GANC: variants seen among roughly 807,000 people sequenced by gnomAD.
GANC encodes glucosidase alpha, neutral C, also known as neutral alpha-glucosidase C.
In GANC, 117 loss-of-function variants were observed where a neutral mutation model predicts 124.2. That is an observed-to-expected ratio of 0.94 (90% CI 0.81 to 1.10). GANC has a LOEUF of 1.10. Ranked by LOEUF, GANC falls within the 50% of genes least tolerant of loss-of-function variation. The pLI, the probability that GANC is intolerant of heterozygous loss-of-function variation, is 0.00. For synonymous variants in GANC, 377 were observed against 376.8 expected (o/e 1.00, Z -0.01); for missense variants, 1,140 against 1,095.0 (o/e 1.04, Z -0.58).
At chr15:42,344,301 G>A (rs962686546) in intron 19 of GANC, among the ~76,000 whole-genome samples, 1 of 152,178 alleles carries the variant, frequency 6.6e-6, no homozygotes, top group African/African-American at 2.4e-5. Context: ...ATCTGTTCAT[G>A]CCTCCCTCTT....
chr15:42,311,298 A>G (rs954334187), intron 10 of GANC, among the ~76,000 whole-genome samples: 1 of 152,254 alleles, frequency 6.6e-6, no homozygotes, highest in African/African-American at 2.4e-5. Context: ...ATTTCTAGCC[A>G]GAGAAATTAG....
Position 42,309,561 on chromosome 15 carries a change from A to G in GANC, c.723-722A>G, listed in dbSNP as rs1595773011. On this transcript the variant is annotated intron_variant, in intron 8 of 23. Coordinates refer to ENST00000318010, the MANE Select transcript of GANC (RefSeq NM_198141.3). Reference sequence around the variant, plus strand: ...TCTCGATCTCTTGACCTCATGATCCACCTGCTTCGGCCTCCCAAAATGCTG... The same window carrying G: ...TCTCGATCTCTTGACCTCATGATCCGCCTGCTTCGGCCTCCCAAAATGCTG... 2.0e-5 allele frequency among the ~76,000 whole-genome samples: 3 copies of G among 151,746 alleles called. 1 individual carries two copies. Among genetic ancestry groups the G allele is most frequent in the Admixed American group, 2.0e-4 (3 of 15,260 alleles).
At chr15:42,281,032 C>T in intron 3 of GANC, 2 of 702,550 alleles carry the variant, frequency 2.8e-6, no homozygotes, top group Non-Finnish European at 5.2e-6. Flanking sequence ...CAAAAGGAAG[C>T]TGAGGAGCCT....
intron 23 of GANC, 94 bp downstream of exon 23, chr15:42,351,526 T>G: frequency 1.2e-6 from 1 of 845,032 alleles, no homozygotes; most frequent in Non-Finnish European, 1.9e-6. Flanking sequence ...GATAATATGC[T>G]GAGCCTGAGT....
Position 42,338,574 on chromosome 15 carries a change from C to A in GANC, c.1843+84C>A. On this transcript the variant is annotated intron_variant, in intron 16 of 23. Transcript: ENST00000318010. Reference sequence around the variant, plus strand: ...TCAAAGCTGGTTACAAATCCCTTCTCATTAGCTGTTGTGGGCAGACATAAA... The same window carrying A: ...TCAAAGCTGGTTACAAATCCCTTCTAATTAGCTGTTGTGGGCAGACATAAA... 3.1e-6 allele frequency: 3 copies of A among 952,836 alleles called. No homozygotes were observed. In the South Asian group the frequency reaches 4.0e-5, roughly 13 times the overall value. 59.0% of individuals were successfully genotyped at this position (952,836 alleles called of 1,614,324 possible).
intron 10 of GANC, among the ~76,000 whole-genome samples, chr15:42,319,090 A>G (rs2052133623): frequency 6.6e-6 from 1 of 151,382 alleles, no homozygotes. Flanking sequence ...AATTTTCTCA[A>G]TTTTATCTTC....
chr15:42,308,687 A>G (rs1156579717), intron 8 of GANC, among the ~76,000 whole-genome samples: 2 of 152,104 alleles, frequency 1.3e-5, no homozygotes, highest in African/African-American at 4.8e-5. Flanking sequence ...GGGTTTTACC[A>G]TGTTGGCCAG....
chr15:42,310,211 G>C (rs1338912022), intron 8 of GANC, 72 bp from the exon 9 acceptor site: 2 of 1,169,834 alleles, frequency 1.7e-6, no homozygotes, highest in Non-Finnish European at 2.4e-6. Context: ...AGAGAGAAGA[G>C]TAGAGCTGTT....
At chr15:42,307,949 T>C (rs2052014171) in intron 7 of GANC, among the ~76,000 whole-genome samples, 1 of 152,110 alleles carries the variant, frequency 6.6e-6, no homozygotes. Flanking sequence ...AGAGACGAGA[T>C]TTACTGTGAA....
At chr15:42,286,296 T>G (rs139930751) in intron 3 of GANC, among the ~76,000 whole-genome samples, 1,569 of 152,334 alleles carry the variant, frequency 0.01, 26 homozygotes, top group African/African-American at 0.035. Context: ...CAGAATGCTC[T>G]GTGTTAGCTT....
chr15:42,326,399 A>G lies in GANC; in HGVS notation c.1395A>G (p.Glu465=), dbSNP rs757685487. 17 of 1,613,910 alleles carry G rather than the reference A, an allele frequency of 1.1e-5. No homozygotes were observed. The highest frequency in any genetic ancestry group is 8.3e-5 in the Admixed American group (5 of 59,992). ...QGFFVKNQEG[E]DFEGVCWPGL... ...TCTTTGTGAAGAATCAGGAAGGGGA[A>G]GACTTTGAAGGGGTGTGTTGGCCAG... is the stretch of plus-strand genomic sequence containing the variant. The change falls in exon 12 of 24, where the codon GAA becomes GAG. Residue 465 remains glutamate, a synonymous_variant. Coordinates refer to ENST00000318010, the MANE Select transcript of GANC (RefSeq NM_198141.3).
rs945262223 is a variant in GANC, at chr15:42,274,137, G to A, written c.-345G>A. ...AGGGAGGCCGTCTCGGCATTTCCAG[G>A]TTCTTAACGCTCTTGATTTTTACCC... On this transcript the variant is annotated 5_prime_UTR_variant, in exon 1 of 24. Transcript: ENST00000318010. The A allele has an allele frequency of 3.8e-6, 1 of 263,538 alleles. No homozygotes were observed. Among genetic ancestry groups the A allele is most frequent in the Non-Finnish European group, 7.3e-6 (1 of 137,642 alleles). The allele number at this position is 263,538 out of a possible 1,614,324, so 16.3% of individuals were successfully genotyped here.
At chr15:42,278,298 A>G (rs2051696014) in intron 2 of GANC, among the ~76,000 whole-genome samples, 184 bp from the exon 3 acceptor site, 1 of 152,200 alleles carries the variant, frequency 6.6e-6, no homozygotes. Context: ...ACTAATACTC[A>G]TCTTATTAGC....
chr15:42,352,626 C>G lies in GANC; in HGVS notation c.*487C>G, dbSNP rs2052461121. The G allele has an allele frequency of 2.0e-6, 2 of 994,542 alleles. No homozygotes were observed. Among genetic ancestry groups the G allele is most frequent in the South Asian group, 4.5e-5 (1 of 22,234 alleles). 61.6% of individuals were successfully genotyped at this position (994,542 alleles called of 1,614,324 possible). Reference sequence around the variant, plus strand: ...CACCCACATGGACTGGGCAGAGCAGCCCTCTTCTGTGTGCACTGCATACGC... The same window carrying G: ...CACCCACATGGACTGGGCAGAGCAGGCCTCTTCTGTGTGCACTGCATACGC... On this transcript the variant is annotated 3_prime_UTR_variant, in exon 24 of 24. Transcript: ENST00000318010.
At position 42,310,357 on chromosome 15, in the gene GANC, G is replaced by C; in HGVS notation, c.797G>C (p.Gly266Ala). 6.2e-7 allele frequency: 1 copy of C among 1,613,790 alleles called. No homozygotes were observed. Among genetic ancestry groups the C allele is most frequent in the Non-Finnish European group, 8.5e-7 (1 of 1,179,800 alleles). Residue 266 changes from glycine (G) to alanine (A), a missense_variant, in exon 9 of 24, where the codon GGT (glycine) becomes GCT (alanine). Transcript: ENST00000318010. ...ATATATGATAAAATGGGCATTTATG[G>C]TTCAGTACCTTATCTCCTGGCCCAC... Reference protein sequence around the residue: ...YQIYDKMGIYGSVPYLLAHKL... With the variant: ...YQIYDKMGIYASVPYLLAHKL...
At chr15:42,309,847 C>T (rs2052033918) in intron 8 of GANC, among the ~76,000 whole-genome samples, 1 of 151,856 alleles carries the variant, frequency 6.6e-6, no homozygotes. Context: ...GGTGAAACCG[C>T]ATCTCTACCA....
intron 3 of GANC, among the ~76,000 whole-genome samples, chr15:42,284,825 G>A (rs757341654): frequency 1.3e-5 from 2 of 151,914 alleles, no homozygotes; most frequent in African/African-American, 2.4e-5. Flanking sequence ...TACTTCTAAG[G>A]GAGCAAAACA....
At chr15:42,311,850 G>GAA (rs55980626) in intron 10 of GANC, among the ~76,000 whole-genome samples, 15 of 150,434 alleles carry the variant, frequency 1.0e-4, no homozygotes, top group African/African-American at 2.0e-4. Context: ...AATCAATAAC[G>GAA]AAAAAAAAAA....
At chr15:42,330,896 T>A (rs1372366950) in intron 15 of GANC, among the ~76,000 whole-genome samples, 3 of 147,332 alleles carry the variant, frequency 2.0e-5, no homozygotes, top group African/African-American at 7.4e-5. Context: ...CAAGCAATCC[T>A]CCCACCGAAG....
Sources: allele counts gnomAD v4.1 joint callset (sites outside exome capture counted in the v4.1 genomes callset), GRCh38; gene constraint gnomAD v4.1.1; transcripts MANE v1.5; gene names NCBI Gene and HGNC (gene_info 2026-07-23, HGNC 2026-07-21).